The following PUS7 variants were observed in gnomAD, a reference collection of about 807,000 sequenced individuals.
The protein encoded by PUS7 is pseudouridylate synthase 7 homolog.
PUS7 carries 48 observed loss-of-function variants against 79.8 expected under a neutral mutation model. The ratio of observed to expected loss-of-function variants is 0.60; its 90% confidence interval spans 0.48 to 0.76. PUS7 has a LOEUF of 0.76. PUS7 is among the 30% of genes least tolerant of loss of function. PUS7 has a pLI of 0.00. For missense variants in PUS7, 729 were observed against 797.6 expected, an observed-to-expected ratio of 0.91 and a Z score of 1.04; for synonymous variants, 286 against 272.2, an observed-to-expected ratio of 1.05 and a Z score of -0.50.
intron 2 of PUS7, among the ~76,000 whole-genome samples, chr7:105,507,223 A>G (rs1276281415): frequency 1.3e-5 from 2 of 151,400 alleles, no homozygotes; most frequent in Admixed American, 1.3e-4. Context: ...TTTTTGTATT[A>G]TTAGTAGAGA....
chr7:105,472,257 T>C, intron 9 of PUS7, 64 bp from the exon 10 acceptor site: 1 of 989,698 alleles, frequency 1.0e-6, no homozygotes. Context: ...TATGCACAAA[T>C]CTTTGAAGAG....
intron 1 of PUS7, among the ~76,000 whole-genome samples, chr7:105,518,079 C>T (rs114865717): frequency 0.14 from 20,861 of 151,640 alleles, 1,856 homozygotes; most frequent in South Asian, 0.26. Flanking sequence ...ACTGGGGAGA[C>T]AGAAGTCGCA....
At chr7:105,505,374 T>A (rs192319081) in intron 4 of PUS7, among the ~76,000 whole-genome samples, 1 of 152,188 alleles carries the variant, frequency 6.6e-6, no homozygotes, top group East Asian at 1.9e-4. Flanking sequence ...AATAGCAGAA[T>A]TGACCCACGA....
chr7:105,499,509 A>G (rs1280222279), intron 5 of PUS7, among the ~76,000 whole-genome samples: 1 of 152,218 alleles, frequency 6.6e-6, no homozygotes, highest in Admixed American at 6.5e-5. Context: ...GTCTCAAAAT[A>G]TAAATTAATT....
intron 6 of PUS7, among the ~76,000 whole-genome samples, chr7:105,492,888 C>T (rs983509432): frequency 6.6e-6 from 1 of 152,068 alleles, no homozygotes; most frequent in African/African-American, 2.4e-5. Context: ...GGTGATCCAC[C>T]CGCCTCGGCC....
intron 5 of PUS7, among the ~76,000 whole-genome samples, chr7:105,500,698 T>C (rs1362717210): frequency 6.6e-6 from 1 of 152,180 alleles, no homozygotes; most frequent in Non-Finnish European, 1.5e-5. Context: ...CCCCAAGGCA[T>C]GGCTGTTTGT....
intron 5 of PUS7, 109 bp from the exon 6 acceptor site, chr7:105,495,362 A>G (rs1430109997): frequency 3.0e-6 from 2 of 662,392 alleles, no homozygotes; most frequent in Non-Finnish European, 5.3e-6. Flanking sequence ...CTAGTCTGAT[A>G]AAGAAATACA....
intron 9 of PUS7, among the ~76,000 whole-genome samples, chr7:105,474,824 A>C (rs1824024074): frequency 6.6e-6 from 1 of 151,962 alleles, no homozygotes; most frequent in African/African-American, 2.4e-5. Flanking sequence ...GTTAAATATC[A>C]ATTACAGCCT....
intron 9 of PUS7, among the ~76,000 whole-genome samples, chr7:105,476,101 G>A (rs981221122): frequency 5.6e-5 from 8 of 141,704 alleles, no homozygotes; most frequent in Non-Finnish European, 1.2e-4. Flanking sequence ...TCCAGCCTGG[G>A]CGACAGAGCA....
At chr7:105,509,073 A>T (rs1436923035) in intron 1 of PUS7, among the ~76,000 whole-genome samples, 1 of 145,520 alleles carries the variant, frequency 6.9e-6, no homozygotes, top group African/African-American at 2.5e-5. Context: ...AATCCCAGCT[A>T]GTCAGGAGGC....
At chr7:105,463,642 GTTCTT>G (rs1318842158) in intron 13 of PUS7, among the ~76,000 whole-genome samples, 2 of 36,214 alleles carry the variant, frequency 5.5e-5, no homozygotes, top group African/African-American at 1.9e-4. Flanking sequence ...ACCTTCTGCA[GTTCTT>G]TTTTTTTTTT....
At chr7:105,458,004 C>T in intron 15 of PUS7, 78 bp from the exon 16 acceptor site, 2 of 1,516,826 alleles carry the variant, frequency 1.3e-6, no homozygotes, top group Non-Finnish European at 1.8e-6. Flanking sequence ...AATCTCTAAG[C>T]AAATACAAAG....
intron 7 of PUS7, among the ~76,000 whole-genome samples, chr7:105,488,264 AT>A (rs1233785569): frequency 6.6e-6 from 1 of 152,154 alleles, no homozygotes. Context: ...AAATAACAAG[AT>A]GCCATTTTTT....
chr7:105,468,010 G>A (rs1045289645), intron 12 of PUS7, among the ~76,000 whole-genome samples: 5 of 151,642 alleles, frequency 3.3e-5, no homozygotes, highest in African/African-American at 7.3e-5. Flanking sequence ...TTGGCTCACT[G>A]CAACATCTGC....
At chr7:105,472,219 C>T in intron 9 of PUS7, 26 bp from the exon 10 acceptor site, 2 of 1,388,166 alleles carry the variant, frequency 1.4e-6, no homozygotes, top group Non-Finnish European at 1.0e-6. Flanking sequence ...ATTTATTTTA[C>T]TAAATTTTGC....
intron 6 of PUS7, 118 bp downstream of exon 6, chr7:105,495,024 G>C (rs1824951660): frequency 1.8e-6 from 1 of 559,218 alleles, no homozygotes; most frequent in Non-Finnish European, 3.2e-6. Flanking sequence ...CTATCATTGG[G>C]AGGAGCATTT....
At chr7:105,482,847 CA>C (rs1263959385) in intron 7 of PUS7, among the ~76,000 whole-genome samples, 1 of 151,848 alleles carries the variant, frequency 6.6e-6, no homozygotes, top group Non-Finnish European at 1.5e-5. Context: ...TTTTGTCAAT[CA>C]GAAAAATTTT....
intron 5 of PUS7, among the ~76,000 whole-genome samples, chr7:105,501,946 C>T (rs1825266605): frequency 1.2e-5 from 1 of 81,246 alleles, no homozygotes; most frequent in Admixed American, 1.6e-4. Context: ...CAGGGCGAGA[C>T]TCCGTCTCAA....
chr7:105,473,415 ATT>A (rs922271999), intron 9 of PUS7, among the ~76,000 whole-genome samples: 16 of 123,590 alleles, frequency 1.3e-4, no homozygotes, highest in East Asian at 4.6e-4. Context: ...TGCCTGCCTA[ATT>A]TTTTTTTTTT....
Sources: allele counts gnomAD v4.1 joint callset (sites outside exome capture counted in the v4.1 genomes callset), GRCh38; gene constraint gnomAD v4.1.1; transcripts MANE v1.5; gene names NCBI Gene and HGNC (gene_info 2026-07-23, HGNC 2026-07-21).